CAMTA1: variants seen among roughly 807,000 people sequenced by gnomAD.
CAMTA1 encodes calmodulin binding transcription activator 1, also known as calmodulin-binding transcription activator 1.
Under a neutral mutation model 170.9 loss-of-function variants are expected in CAMTA1, and 27 were observed. That is an observed-to-expected ratio of 0.16 (90% CI 0.12 to 0.22). The LOEUF is 0.22. Among genes scored for constraint, CAMTA1 ranks in the 10% least tolerant of loss-of-function variants. The probability of loss-of-function intolerance (pLI) is 1.00; values close to 1 mark genes in which losing one functional copy is unlikely to be tolerated. For missense variants in CAMTA1, 1,619 were observed against 2,217.2 expected, an observed-to-expected ratio of 0.73 and a Z score of 5.42; for synonymous variants, 833 against 891.5, an observed-to-expected ratio of 0.93 and a Z score of 1.17.
chr1:7,505,984 G>C (rs1575690239), intron 6 of CAMTA1, among the ~76,000 whole-genome samples: 2 of 152,314 alleles, frequency 1.3e-5, no homozygotes, highest in South Asian at 4.1e-4. Flanking sequence ...GGCTGCAGCA[G>C]TGTGGAAAGC....
intron 4 of CAMTA1, among the ~76,000 whole-genome samples, chr1:7,112,173 C>T (rs1217877679): frequency 1.3e-5 from 2 of 152,166 alleles, no homozygotes; most frequent in East Asian, 1.9e-4. Context: ...AGGACCGCTG[C>T]GTAGAGCTGC....
chr1:7,289,509 G>T (rs975484855), intron 5 of CAMTA1, among the ~76,000 whole-genome samples: 4 of 152,114 alleles, frequency 2.6e-5, no homozygotes, highest in Admixed American at 2.0e-4. Context: ...GAGATGCCCC[G>T]GTTTGCACTC....
At chr1:7,331,068 C>T (rs1350689565) in intron 5 of CAMTA1, among the ~76,000 whole-genome samples, 5 of 152,090 alleles carry the variant, frequency 3.3e-5, no homozygotes, top group Admixed American at 2.0e-4. Context: ...GGCAAAACCC[C>T]GTCTCTACTA....
intron 3 of CAMTA1, among the ~76,000 whole-genome samples, chr1:6,889,440 T>C (rs1405267739): frequency 6.6e-6 from 1 of 152,246 alleles, no homozygotes; most frequent in African/African-American, 2.4e-5. Context: ...AAGGTCGAAC[T>C]AACTTTTTAC....
At chr1:7,008,729 T>A (rs544052184) in intron 3 of CAMTA1, 1 of 152,244 alleles carries the variant, frequency 6.6e-6, no homozygotes, top group Non-Finnish European at 1.5e-5. Context: ...AAATGCAAAC[T>A]GTAAAATATT....
rs972241656 is a variant in CAMTA1, at chr1:7,609,793, G to A, written c.511-30607G>A. Among the ~76,000 whole-genome samples the A allele has an allele frequency of 7.2e-5, 11 of 152,154 alleles. No individual in the cohort carries two copies. Among genetic ancestry groups the A allele is most frequent in the East Asian group, 1.9e-4 (1 of 5,180 alleles). On this transcript the variant is annotated intron_variant, in intron 6 of 22. Transcript: ENST00000303635. The surrounding 1 kb of genome is among the most constrained non-coding windows in gnomAD (Gnocchi z 4.4). ...AAAGCCAGGTGGGAACTGCCCTCCC[G>A]CAGGGCACCTGTGAACACGTGTGAG...
rs1363517184 is a variant in CAMTA1, at chr1:7,434,361, G to A, written c.439-33469G>A. Among the ~76,000 whole-genome samples the A allele has an allele frequency of 3.3e-5, 5 of 152,264 alleles. No homozygotes were observed. The South Asian group carries it at 8.3e-4, about 25-fold the overall frequency. On this transcript the variant is annotated intron_variant, in intron 5 of 22. Transcript: ENST00000303635. ...CACAGACGCTGGCCTTCTCCATCTC[G>A]CCAGGGCAGACACTGTCTGTGTGAC...
chr1:6,910,579 T>C (rs1204266359), intron 3 of CAMTA1, among the ~76,000 whole-genome samples: 1 of 152,264 alleles, frequency 6.6e-6, no homozygotes, highest in Admixed American at 6.5e-5. Flanking sequence ...GACTTGGGCC[T>C]GAGCTGTTGG....
intron 3 of CAMTA1, among the ~76,000 whole-genome samples, chr1:6,849,950 A>T (rs916620699): frequency 6.6e-6 from 1 of 151,524 alleles, no homozygotes; most frequent in Admixed American, 6.6e-5. Flanking sequence ...CACGAGAATC[A>T]CTTGAACCTG....
rs547325508 is a variant in CAMTA1, at chr1:7,160,146, G to A, written c.302+68775G>A. ...TACCTCTAATCCCAGGTACTTGGGA[G>A]GCTGAGGCAGGAGAATCATTTGAAC... On this transcript the variant is annotated intron_variant, in intron 4 of 22. Transcript: ENST00000303635. 2.0e-5 allele frequency among the ~76,000 whole-genome samples: 3 copies of A among 152,258 alleles called. No homozygotes were observed. In the South Asian group the frequency reaches 6.2e-4, roughly 32 times the overall value.
At position 7,469,032 on chromosome 1, in the gene CAMTA1, C is replaced by T. The variant is rs1231149907; in HGVS notation, c.510+1131C>T. Among the ~76,000 whole-genome samples, 4 of 152,226 alleles carry T rather than the reference C, an allele frequency of 2.6e-5. No individual in the cohort carries two copies. In the East Asian group the frequency reaches 7.7e-4, roughly 29 times the overall value. ...CTAGACAGGGCCCTCTATCCATCGG[C>T]TCTGCCCAGCCCCAGCCTCCAAACC... On this transcript the variant is annotated intron_variant, in intron 6 of 22. Transcript: ENST00000303635.
intron 3 of CAMTA1, among the ~76,000 whole-genome samples, chr1:6,908,015 C>T (rs1260938629): frequency 2.6e-5 from 4 of 152,216 alleles, no homozygotes; most frequent in Non-Finnish European, 5.9e-5. Context: ...TCCTTGCCTA[C>T]TGGAGCCAGG....
At chr1:7,472,885 G>C (rs1430779644) in intron 6 of CAMTA1, among the ~76,000 whole-genome samples, 3 of 152,170 alleles carry the variant, frequency 2.0e-5, no homozygotes, top group Non-Finnish European at 4.4e-5. Context: ...AGTTCACCAT[G>C]GGGTTCACTC....
intron 6 of CAMTA1, among the ~76,000 whole-genome samples, chr1:7,494,572 G>A (rs1238656802): frequency 6.6e-6 from 1 of 152,190 alleles, no homozygotes; most frequent in African/African-American, 2.4e-5. Flanking sequence ...GGGAGGCCAA[G>A]GCAGGCGGAT....
At chr1:7,523,866 G>A (rs1403988968) in intron 6 of CAMTA1, among the ~76,000 whole-genome samples, 3 of 148,220 alleles carry the variant, frequency 2.0e-5, no homozygotes, top group Non-Finnish European at 4.4e-5. Flanking sequence ...CTGGACGACA[G>A]AGTGAGACTC....
chr1:7,767,076 T>G lies in CAMTA1; in HGVS notation c.*585T>G, dbSNP rs999376153. ...TTTTTGTTTGTTTGTTTGTTTGTTT[T>G]AATCTCTACAGCACATTTAATGCAA... On this transcript the variant is annotated 3_prime_UTR_variant, in exon 23 of 23. Transcript: ENST00000303635. The G allele has an allele frequency of 6.5e-6, 1 of 153,022 alleles. No individual in the cohort carries two copies. Among genetic ancestry groups the G allele is most frequent in the African/African-American group, 2.4e-5 (1 of 41,450 alleles). The allele number at this position is 153,022 out of a possible 1,614,324, so 9.5% of individuals were successfully genotyped here. A position where few individuals can be genotyped will look rare whatever the true frequency, so the allele number is the denominator to read the frequency against.
intron 6 of CAMTA1, among the ~76,000 whole-genome samples, chr1:7,471,982 T>A (rs1454515359): frequency 1.3e-5 from 2 of 152,252 alleles, no homozygotes; most frequent in Admixed American, 6.5e-5. Context: ...CTGCTTCTAA[T>A]GAGTGTTTTC....
chr1:7,359,989 T>C (rs1429406298), intron 5 of CAMTA1, among the ~76,000 whole-genome samples: 1 of 152,120 alleles, frequency 6.6e-6, no homozygotes, highest in African/African-American at 2.4e-5. Flanking sequence ...GGAGGATCTG[T>C]CTTGAGCCTC....
chr1:6,817,076 A>G (rs1236620955), intron 1 of CAMTA1, among the ~76,000 whole-genome samples: 1 of 152,136 alleles, frequency 6.6e-6, no homozygotes, highest in Non-Finnish European at 1.5e-5. Context: ...GTCATATGTT[A>G]TTTTAGTGCC....
Sources: gnomAD v4.1 joint callset for allele counts (sites outside exome capture counted in the v4.1 genomes callset) on GRCh38, gnomAD v4.1.1 for gene constraint, Gnocchi (gnomAD v3.1) non-coding constraint, MANE v1.5 for transcripts, NCBI Gene and HGNC (gene_info 2026-07-23, HGNC 2026-07-21) for gene names.